The following STK31 variants were observed in gnomAD, a reference collection of about 807,000 sequenced individuals.
STK31 encodes serine/threonine-protein kinase 31.
In STK31, 89 loss-of-function variants were observed where a neutral mutation model predicts 129.7. The observed-to-expected ratio is 0.69, with a 90% CI of 0.58 to 0.82. The LOEUF (loss-of-function observed/expected upper bound fraction) is 0.82, where lower values mean the gene tolerates loss of function less well. STK31 is among the 40% of genes least tolerant of loss of function. The pLI, the probability that STK31 is intolerant of heterozygous loss-of-function variation, is 0.00. For missense variants in STK31, 1,187 were observed against 1,176.4 expected (o/e 1.01, Z -0.13); for synonymous variants, 448 against 395.3 (o/e 1.13, Z -1.58).
chr7:23,783,747 T>A, intron 17 of STK31, 84 bp downstream of exon 17: 1 of 1,093,366 alleles, frequency 9.1e-7, no homozygotes, highest in Non-Finnish European at 1.3e-6. Context: ...GTGTTAAACT[T>A]ATAGTATCTT....
intron 18 of STK31, 32 bp downstream of exon 18, chr7:23,785,635 T>C (rs775761922): frequency 6.3e-7 from 1 of 1,599,188 alleles, no homozygotes; most frequent in Non-Finnish European, 8.5e-7. Flanking sequence ...TTGTGGGAGA[T>C]TCAGCAGCAT....
In STK31 at chr7:23,729,236, C is replaced by A. The variant is rs1787254278; in HGVS notation, c.470C>A (p.Thr157Asn). The A allele has an allele frequency of 6.3e-7, 1 of 1,598,810 alleles. No individual in the cohort carries two copies. Among genetic ancestry groups the A allele is most frequent in the African/African-American group, 1.3e-5 (1 of 74,158 alleles). The stretch of plus-strand genomic sequence containing the variant: ...CACATTCCTTCTGATCAAGAAGTTA[C>A]CCAGTTTGATCAGGCAAGTCACGTA... ...GLHIPSDQEV[T>N]QFDQGTTFLG... is the part of the protein sequence containing the mutation. Residue 157 changes from threonine to asparagine, a missense_variant, in exon 6 of 24, where the codon ACC (threonine) becomes AAC (asparagine). By Grantham distance (65) the Thr-to-Asn change is moderately conservative. This residue lies in a region of STK31 where 103 missense variants were observed against 110.4 expected (regional missense o/e 0.93). Transcript: ENST00000355870.
At chr7:23,799,377 C>G (rs6979438) in intron 22 of STK31, among the ~76,000 whole-genome samples, 1 of 151,880 alleles carries the variant, frequency 6.6e-6, no homozygotes. Context: ...AGCATGGTAC[C>G]GGTACCAAAA....
At chr7:23,741,790 G>A (rs1045426551) in intron 8 of STK31, among the ~76,000 whole-genome samples, 3 of 152,238 alleles carry the variant, frequency 2.0e-5, no homozygotes, top group Non-Finnish European at 2.9e-5. Context: ...TCAAGTGTAA[G>A]TCTCACAGCA....
intron 10 of STK31, 101 bp downstream of exon 10, chr7:23,754,575 A>C (rs1021343957): frequency 3.8e-6 from 5 of 1,317,202 alleles, no homozygotes; most frequent in Non-Finnish European, 5.2e-6. Context: ...CATGTGCAGA[A>C]TGTGCAGATT....
chr7:23,814,147 TTA>T lies in STK31; in HGVS notation c.2761-995_2761-994del, dbSNP rs1296812378. Among the ~76,000 whole-genome samples, 79 of 68,662 alleles carry T rather than the reference TTA, an allele frequency of 1.2e-3. 12 individuals carry two copies. Among genetic ancestry groups the T allele is most frequent in the African/African-American group, 6.7e-3 (67 of 10,046 alleles). 45.0% of individuals were successfully genotyped at this position (68,662 alleles called of 152,430 possible). A position where few individuals can be genotyped will look rare whatever the true frequency, so the allele number is the denominator to read the frequency against. On this transcript the variant is annotated intron_variant, in intron 22 of 23. Coordinates refer to ENST00000355870, the MANE Select transcript of STK31 (RefSeq NM_031414.5). ...TTGGGAAACATCAGATCTGGCTCAC[TTA>T]TTTTTTTTTTTTTTTCAGTTGGGAG...
At chr7:23,795,435 AG>A (rs1791893478) in intron 22 of STK31, among the ~76,000 whole-genome samples, 1 of 152,232 alleles carries the variant, frequency 6.6e-6, no homozygotes, top group African/African-American at 2.4e-5. Flanking sequence ...AGTTTTCTGC[AG>A]GGGTGGAGCC....
chr7:23,750,655 G>C (rs4722265), intron 8 of STK31, among the ~76,000 whole-genome samples: 38,329 of 152,044 alleles, frequency 0.25, 5,155 homozygotes, highest in East Asian at 0.39. Flanking sequence ...ACATTTCCTC[G>C]TGAATCCTAG....
rs1013810714 is a variant in STK31 at position 23,818,750 on chromosome 7, G to A, written c.2829+3538G>A. ...AGTGATTCTCGTGCCTCAGCCTCCCGAGTAGCTGGTACTACAGTCACATGC... is the reference window on the plus strand; with the variant it reads ...AGTGATTCTCGTGCCTCAGCCTCCCAAGTAGCTGGTACTACAGTCACATGC... On this transcript the variant is annotated intron_variant, in intron 23 of 23. Coordinates refer to ENST00000355870, the MANE Select transcript of STK31 (RefSeq NM_031414.5). Among the ~76,000 whole-genome samples the A allele has an allele frequency of 3.3e-5, 5 of 151,914 alleles. No homozygotes were observed. In the South Asian group the frequency reaches 6.2e-4, roughly 19 times the overall value.
chr7:23,761,173 A>G (rs1052045841), intron 10 of STK31, among the ~76,000 whole-genome samples: 1 of 152,168 alleles, frequency 6.6e-6, no homozygotes, highest in African/African-American at 2.4e-5. Flanking sequence ...AGCACTTACT[A>G]TCCTATGAGT....
At chr7:23,746,214 T>C (rs1309413836) in intron 8 of STK31, among the ~76,000 whole-genome samples, 1 of 152,170 alleles carries the variant, frequency 6.6e-6, no homozygotes, top group East Asian at 1.9e-4. Context: ...TGGAGCAATA[T>C]ACTTGTGTAG....
rs1793302666 is a variant in STK31, at chr7:23,813,837, GTTATGGTGGGATCCCCCTAC to G, written c.2761-1300_2761-1281del. 2.0e-5 allele frequency among the ~76,000 whole-genome samples: 3 copies of G among 152,156 alleles called. No individual in the cohort carries two copies. The South Asian group carries it at 6.2e-4, about 32-fold the overall frequency. ...CAGAATACCTCCAGAACCATCCCTT[GTTATGGTGGGATCCCCCTAC>G]TTATGGGTGTCAGAGTGTATTTACT... On this transcript the variant is annotated intron_variant, in intron 22 of 23. Transcript: ENST00000355870.
intron 4 of STK31, among the ~76,000 whole-genome samples, chr7:23,725,499 T>G (rs1787008259): frequency 6.6e-6 from 1 of 151,560 alleles, no homozygotes; most frequent in African/African-American, 2.4e-5. Flanking sequence ...GCTATGATCA[T>G]GCCACTGCAC....
At chr7:23,825,154 A>G (rs1449178322) in intron 23 of STK31, among the ~76,000 whole-genome samples, 4 of 152,100 alleles carry the variant, frequency 2.6e-5, no homozygotes, top group African/African-American at 9.6e-5. Flanking sequence ...TATTGATTGG[A>G]ATAGTTTCAG....
intron 15 of STK31, among the ~76,000 whole-genome samples, chr7:23,775,448 T>G (rs993464876): frequency 6.6e-6 from 1 of 152,260 alleles, no homozygotes; most frequent in Admixed American, 6.5e-5. Context: ...ATGTTCATTC[T>G]TCCTATCCAT....
At chr7:23,779,228 G>T (rs2128107528) in intron 15 of STK31, among the ~76,000 whole-genome samples, 1 of 152,292 alleles carries the variant, frequency 6.6e-6, no homozygotes, top group East Asian at 1.9e-4. Flanking sequence ...TCCCAGAGGG[G>T]CACCTGCCAG....
chr7:23,763,134 G>T (rs1310409310), intron 11 of STK31, among the ~76,000 whole-genome samples: 1 of 152,076 alleles, frequency 6.6e-6, no homozygotes, highest in Non-Finnish European at 1.5e-5. Flanking sequence ...TGCAAACAAG[G>T]TAAAATGGCT....
chr7:23,768,735 C>A (rs1285941820), intron 11 of STK31, among the ~76,000 whole-genome samples: 1 of 152,134 alleles, frequency 6.6e-6, no homozygotes, highest in African/African-American at 2.4e-5. Flanking sequence ...GTAATGTCTA[C>A]TTAATTAAAA....
chr7:23,760,416 A>G (rs2128098257), intron 10 of STK31, among the ~76,000 whole-genome samples: 1 of 152,246 alleles, frequency 6.6e-6, no homozygotes, highest in South Asian at 2.1e-4. Context: ...TGGAGAAGGG[A>G]TTTGATTTTG....
Sources: allele counts gnomAD v4.1 joint callset (sites outside exome capture counted in the v4.1 genomes callset), GRCh38; gene constraint gnomAD v4.1.1; regional missense constraint gnomAD v4.1.1; transcripts MANE v1.5; gene names NCBI Gene and HGNC (gene_info 2026-07-23, HGNC 2026-07-21).